ABR: variants seen among roughly 807,000 people sequenced by gnomAD.
ABR encodes ABR activator of RhoGEF and GTPase, also known as active breakpoint cluster region-related protein.
Under a neutral mutation model 107.2 loss-of-function variants are expected in ABR, and 35 were observed. That is an observed-to-expected ratio of 0.33 (90% CI 0.25 to 0.43). The LOEUF (loss-of-function observed/expected upper bound fraction) is 0.43, where lower values mean the gene tolerates loss of function less well. ABR is among the 20% of genes least tolerant of loss of function. The pLI is 1.00. For synonymous variants in ABR, 498 were observed against 462.0 expected (o/e 1.08, Z -1.00); for missense variants, 815 against 1,115.2 (o/e 0.73, Z 3.83).
chr17:1,116,901 G>C (rs2039015400), intron 2 of ABR, among the ~76,000 whole-genome samples: 1 of 152,170 alleles, frequency 6.6e-6, no homozygotes, highest in East Asian at 1.9e-4. Flanking sequence ...GGGGGGCGGA[G>C]GCTGAAACTC....
intron 2 of ABR, among the ~76,000 whole-genome samples, chr17:1,124,649 C>T (rs2039508548): frequency 6.6e-6 from 1 of 152,272 alleles, no homozygotes; most frequent in African/African-American, 2.4e-5. Context: ...TGGAGCAGAA[C>T]TCTTGTCTCT....
At chr17:1,021,775 A>G (rs1017909526) in intron 16 of ABR, among the ~76,000 whole-genome samples, 64 of 145,378 alleles carry the variant, frequency 4.4e-4, no homozygotes, top group Middle Eastern at 3.6e-3. Context: ...GTGCCACTGC[A>G]CTCCAGCCTG....
intron 1 of ABR, among the ~76,000 whole-genome samples, chr17:1,144,407 GC>G (rs1168043207): frequency 6.6e-6 from 1 of 152,072 alleles, no homozygotes; most frequent in Admixed American, 6.6e-5. Context: ...TGGGCATGGG[GC>G]CAGGAGGCAG....
chr17:1,147,113 G>A (rs2040587975), intron 1 of ABR, among the ~76,000 whole-genome samples: 1 of 152,252 alleles, frequency 6.6e-6, no homozygotes. Flanking sequence ...CTAACAAACT[G>A]TAAGTGGACA....
At chr17:1,217,704 T>G (rs1404635244) in intron 1 of ABR, among the ~76,000 whole-genome samples, 4 of 152,174 alleles carry the variant, frequency 2.6e-5, no homozygotes, top group Non-Finnish European at 5.9e-5. Flanking sequence ...TATTTTGTTT[T>G]GTTTTTTTGA....
chr17:1,207,092 CAAA>C (rs35755968), intron 1 of ABR, among the ~76,000 whole-genome samples: 2 of 97,990 alleles, frequency 2.0e-5, no homozygotes, highest in Non-Finnish European at 5.9e-5. Context: ...TCAAAACAAA[CAAA>C]AAAAAAAGCC....
chr17:1,022,517 C>G (rs2071778475), intron 16 of ABR: 1 of 154,532 alleles, frequency 6.5e-6, no homozygotes. Context: ...AGGATTCCGT[C>G]AACGTGACTG....
chr17:1,198,125 G>A (rs2042604550), intron 1 of ABR, among the ~76,000 whole-genome samples: 1 of 151,688 alleles, frequency 6.6e-6, no homozygotes. Flanking sequence ...AACCAGAAAT[G>A]AGGAAGCTGC....
chr17:1,058,965 T>C (rs2033642689), intron 10 of ABR, 98 bp from the exon 11 acceptor site: 22 of 1,507,102 alleles, frequency 1.5e-5, no homozygotes, highest in Non-Finnish European at 1.9e-5. Flanking sequence ...ACATGCTCTT[T>C]ACATTTTCCG....
At chr17:1,049,224 C>G (rs891772517) in intron 16 of ABR, among the ~76,000 whole-genome samples, 7 of 152,022 alleles carry the variant, frequency 4.6e-5, no homozygotes, top group African/African-American at 1.7e-4. Context: ...CTCCATCACC[C>G]AGGCGCGATC....
At chr17:1,193,273 T>C (rs8067891) in intron 1 of ABR, among the ~76,000 whole-genome samples, 67,505 of 140,550 alleles carry the variant, frequency 0.48, 19,975 homozygotes, top group Non-Finnish European at 0.68. Flanking sequence ...GGACACCCCC[T>C]CCCCCTCAAT....
At chr17:1,062,693 C>A (rs925736845) in intron 10 of ABR, among the ~76,000 whole-genome samples, 1 of 145,856 alleles carries the variant, frequency 6.9e-6, no homozygotes, top group Non-Finnish European at 1.5e-5. Flanking sequence ...ATACATGTTC[C>A]TCTAGACACT....
In ABR at chr17:1,148,131, G is replaced by A. The variant is rs556422767; in HGVS notation, c.62-22764C>T. Among the ~76,000 whole-genome samples the A allele has an allele frequency of 1.1e-3, 170 of 152,346 alleles. No individual in the cohort carries two copies. The highest frequency in any genetic ancestry group is 3.9e-3 in the African/African-American group (161 of 41,578). On this transcript the variant is annotated intron_variant, in intron 1 of 22. Coordinates refer to ENST00000302538, the MANE Select transcript of ABR (RefSeq NM_021962.5). This position sits in a 1 kb window ranked among gnomAD's most constrained non-coding sequence, Gnocchi z 4.9. ...GATGAGTGAAGTAAGCCCAAAGGTTGTCGGGGAAATACCCGCATTCCTAAG... is the reference window on the plus strand; with the variant it reads ...GATGAGTGAAGTAAGCCCAAAGGTTATCGGGGAAATACCCGCATTCCTAAG...
rs1426185652 is a variant in ABR, at chr17:1,179,474, C to A, written c.61+193G>T. 1.3e-5 allele frequency among the ~76,000 whole-genome samples: 2 copies of A among 151,702 alleles called. No individual in the cohort carries two copies. The highest frequency in any genetic ancestry group is 2.9e-5 in the Non-Finnish European group (2 of 67,862). On this transcript the variant is annotated intron_variant, in intron 1 of 22. Transcript: ENST00000302538. This position sits in a 1 kb window ranked among gnomAD's most constrained non-coding sequence, Gnocchi z 4.9. ...CCAGACCAGCCCGGCTCCTGGGTCC[C>A]GACCCCGATCCCGATTCCCAACCCG... is the stretch of plus-strand genomic sequence containing the variant.
upstream of ABR, among the ~76,000 whole-genome samples, chr17:1,189,108 A>G (rs1463969726): frequency 1.3e-5 from 2 of 152,148 alleles, no homozygotes; most frequent in Admixed American, 6.5e-5. Context: ...ACTAGCACAC[A>G]TGACTCGTGT....
intron 2 of ABR, among the ~76,000 whole-genome samples, chr17:1,115,904 G>A (rs914845766): frequency 6.6e-6 from 1 of 150,904 alleles, no homozygotes; most frequent in Non-Finnish European, 1.5e-5. Context: ...TCCAGCCTGG[G>A]TGACAGAAGG....
At chr17:1,213,015 C>T (rs915354623) in intron 1 of ABR, among the ~76,000 whole-genome samples, 1 of 152,162 alleles carries the variant, frequency 6.6e-6, no homozygotes, top group African/African-American at 2.4e-5. Flanking sequence ...ATTCCCCCAA[C>T]AAATCCTTGA....
upstream of ABR, among the ~76,000 whole-genome samples, chr17:1,190,030 C>T (rs986937460): frequency 4.6e-5 from 7 of 152,334 alleles, no homozygotes; most frequent in South Asian, 8.3e-4. Flanking sequence ...TGAGACGTCG[C>T]GTCGAGAATG....
intron 2 of ABR, among the ~76,000 whole-genome samples, chr17:1,108,569 T>G (rs1387938513): frequency 6.6e-6 from 1 of 152,278 alleles, no homozygotes; most frequent in East Asian, 1.9e-4. Context: ...ACCAAGTCCC[T>G]GTCTCCTGGC....
Sources: allele counts gnomAD v4.1 joint callset (sites outside exome capture counted in the v4.1 genomes callset), GRCh38; gene constraint gnomAD v4.1.1; non-coding constraint Gnocchi (gnomAD v3.1); transcripts MANE v1.5; gene names NCBI Gene and HGNC (gene_info 2026-07-23, HGNC 2026-07-21).